The following QKI variants were observed in gnomAD, a reference collection of about 807,000 sequenced individuals.
QKI encodes KH domain-containing RNA-binding protein QKI.
In QKI, 10 loss-of-function variants were observed where a neutral mutation model predicts 39.0. That is an observed-to-expected ratio of 0.26 (90% CI 0.16 to 0.43). The LOEUF is 0.43. QKI is among the 20% of genes least tolerant of loss of function. The probability of loss-of-function intolerance (pLI) is 1.00; values close to 1 mark genes in which losing one functional copy is unlikely to be tolerated. For missense variants in QKI, 218 were observed against 428.0 expected (o/e 0.51, Z 4.33); for synonymous variants, 204 against 155.4 (o/e 1.31, Z -2.33).
At chr6:163,524,530 G>A (rs1040586122) in intron 3 of QKI, among the ~76,000 whole-genome samples, 9 of 151,884 alleles carry the variant, frequency 5.9e-5, no homozygotes, top group Non-Finnish European at 1.0e-4. Context: ...GTGCAGTGGC[G>A]TGATCTTGGC....
intron 3 of QKI, among the ~76,000 whole-genome samples, chr6:163,480,979 A>G (rs938140161): frequency 1.3e-5 from 2 of 152,164 alleles, no homozygotes; most frequent in Non-Finnish European, 2.9e-5. Flanking sequence ...TACTGTTTCA[A>G]GCCCTCACAG....
At chr6:163,507,261 G>A (rs560536208) in intron 3 of QKI, among the ~76,000 whole-genome samples, 5 of 152,232 alleles carry the variant, frequency 3.3e-5, no homozygotes, top group African/African-American at 1.2e-4. Flanking sequence ...TGGAAGAATG[G>A]GCTTTGAACT....
intron 3 of QKI, among the ~76,000 whole-genome samples, chr6:163,523,029 T>G (rs1391708616): frequency 1.3e-5 from 2 of 152,212 alleles, no homozygotes; most frequent in Non-Finnish European, 2.9e-5. Context: ...TGTTGTTCTC[T>G]TACATTTTGG....
intron 3 of QKI, among the ~76,000 whole-genome samples, chr6:163,497,828 T>C (rs1432895517): frequency 6.6e-6 from 1 of 151,802 alleles, no homozygotes; most frequent in Non-Finnish European, 1.5e-5. Flanking sequence ...TCCAAAACAT[T>C]CTGGTTGAGA....
intron 4 of QKI, among the ~76,000 whole-genome samples, chr6:163,559,716 T>C (rs1782878110): frequency 1.3e-5 from 2 of 152,232 alleles, no homozygotes; most frequent in Non-Finnish European, 2.9e-5. Context: ...TACTAAAAGC[T>C]CACTGAACAG....
intron 4 of QKI, among the ~76,000 whole-genome samples, chr6:163,556,576 C>A (rs922138062): frequency 6.7e-6 from 1 of 149,986 alleles, no homozygotes; most frequent in East Asian, 2.0e-4. Context: ...TCTTAATATG[C>A]ATAAATTAAA....
At chr6:163,444,630 CTG>C (rs1790009178) in intron 1 of QKI, among the ~76,000 whole-genome samples, 1 of 152,128 alleles carries the variant, frequency 6.6e-6, no homozygotes, top group Non-Finnish European at 1.5e-5. Context: ...GATCTTTTAT[CTG>C]TGGATATTTA....
At chr6:163,546,416 T>C (rs1350279294) in intron 4 of QKI, among the ~76,000 whole-genome samples, 3 of 152,174 alleles carry the variant, frequency 2.0e-5, no homozygotes, top group Admixed American at 1.3e-4. Flanking sequence ...CTATATTTAA[T>C]GTGCCTGTGT....
chr6:163,432,176 A>G (rs966250633), intron 1 of QKI, among the ~76,000 whole-genome samples: 1 of 152,150 alleles, frequency 6.6e-6, no homozygotes, highest in Non-Finnish European at 1.5e-5. Context: ...TACCCAGGGT[A>G]TTTTAAATTC....
At chr6:163,416,770 T>C (rs1787541928) in intron 1 of QKI, among the ~76,000 whole-genome samples, 1 of 152,200 alleles carries the variant, frequency 6.6e-6, no homozygotes, top group South Asian at 2.1e-4. Flanking sequence ...AACGTTGAAA[T>C]GGGCATTTTC....
At chr6:163,440,147 T>G (rs1582990821) in intron 1 of QKI, among the ~76,000 whole-genome samples, 1 of 152,238 alleles carries the variant, frequency 6.6e-6, no homozygotes, top group South Asian at 2.1e-4. Flanking sequence ...CATCTTTTCC[T>G]TCTTCTCTAT....
intron 6 of QKI, chr6:163,566,466 A>G: frequency 7.6e-7 from 1 of 1,319,050 alleles, no homozygotes; most frequent in Non-Finnish European, 9.7e-7. Context: ...CTCATGAAAT[A>G]CTGTAACTTG....
chr6:163,556,663 AG>A (rs1782645602), intron 4 of QKI, among the ~76,000 whole-genome samples: 1 of 152,160 alleles, frequency 6.6e-6, no homozygotes, highest in Admixed American at 6.6e-5. Context: ...CTGTGTTTAT[AG>A]TTGCTTCACC....
At chr6:163,427,406 AT>A (rs1788498460) in intron 1 of QKI, among the ~76,000 whole-genome samples, 1 of 151,998 alleles carries the variant, frequency 6.6e-6, no homozygotes, top group Non-Finnish European at 1.5e-5. Context: ...AAATTTTTAA[AT>A]TTGTTTTAGA....
chr6:163,508,161 CAT>C (rs1300354380), intron 3 of QKI, among the ~76,000 whole-genome samples: 2 of 151,810 alleles, frequency 1.3e-5, no homozygotes, highest in African/African-American at 2.4e-5. Context: ...AGTGGTCTGA[CAT>C]ATGTATAATT....
chr6:163,478,200 T>C (rs1365650679), intron 2 of QKI, among the ~76,000 whole-genome samples: 4 of 152,214 alleles, frequency 2.6e-5, no homozygotes, highest in African/African-American at 7.2e-5. Flanking sequence ...TTTAGTGATA[T>C]TCAGAGTTTA....
At chr6:163,542,374 A>G (rs1336098650) in intron 4 of QKI, among the ~76,000 whole-genome samples, 2 of 152,058 alleles carry the variant, frequency 1.3e-5, no homozygotes, top group African/African-American at 4.8e-5. Context: ...ACACACAAGA[A>G]TGGTGAAATT....
At chr6:163,431,831 TAAAAA>T (rs34131160) in intron 1 of QKI, among the ~76,000 whole-genome samples, 3 of 140,844 alleles carry the variant, frequency 2.1e-5, no homozygotes, top group Non-Finnish European at 3.1e-5. Context: ...CTGTTCTTAT[TAAAAA>T]AAAAAAAAAA....
At chr6:163,529,269 G>A (rs1780701258) in intron 3 of QKI, among the ~76,000 whole-genome samples, 2 of 152,216 alleles carry the variant, frequency 1.3e-5, no homozygotes, top group South Asian at 4.1e-4. Flanking sequence ...GTAATCATTA[G>A]TACAGCAGAG....
Sources: gnomAD v4.1 joint callset for allele counts (sites outside exome capture counted in the v4.1 genomes callset) on GRCh38, gnomAD v4.1.1 for gene constraint, MANE v1.5 for transcripts, NCBI Gene and HGNC (gene_info 2026-07-23, HGNC 2026-07-21) for gene names.